MTERF4: variants seen among roughly 807,000 people sequenced by gnomAD.
The protein encoded by MTERF4 is mitochondrial transcription termination factor 4.
Under a neutral mutation model 22.5 loss-of-function variants are expected in MTERF4, and 17 were observed. The ratio of observed to expected loss-of-function variants is 0.75; its 90% CI spans 0.52 to 1.13. The LOEUF (loss-of-function observed/expected upper bound fraction) is 1.13, where lower values mean the gene tolerates loss of function less well. MTERF4 is among the 50% of genes most tolerant of loss of function. The probability of loss-of-function intolerance (pLI) is 0.00; values close to 1 mark genes in which losing one functional copy is unlikely to be tolerated. For missense variants in MTERF4, 420 were observed against 466.8 expected (o/e 0.90, Z 0.92); for synonymous variants, 165 against 175.3 (o/e 0.94, Z 0.47).
downstream of MTERF4, among the ~76,000 whole-genome samples, chr2:241,069,622 CA>C (rs2062611058): frequency 6.6e-6 from 1 of 152,170 alleles, no homozygotes; most frequent in South Asian, 2.1e-4. The surrounding 1 kb of genome is among the most constrained non-coding windows in gnomAD (Gnocchi z 4.9). Flanking sequence ...CAGCCAGGCT[CA>C]GGGGAACCGA....
the MTERF4 span, chr2:241,053,465 T>C: frequency 1.2e-6 from 1 of 853,114 alleles, no homozygotes; most frequent in Non-Finnish European, 1.8e-6. Context: ...CCCCTCAGTC[T>C]CCTGTCTGTG....
downstream of MTERF4, chr2:241,082,508 C>T: frequency 1.6e-6 from 1 of 625,136 alleles, no homozygotes; most frequent in Non-Finnish European, 2.9e-6. Flanking sequence ...CATCGATTCC[C>T]TCCATGTCAC....
intron 4 of MTERF4, among the ~76,000 whole-genome samples, chr2:241,078,264 T>C (rs2063135815): frequency 6.6e-6 from 1 of 151,218 alleles, no homozygotes. Context: ...GCGCCTGTAG[T>C]CCCAGCTCCT....
downstream of MTERF4, chr2:241,090,115 ACT>A (rs2063830497): frequency 3.4e-6 from 5 of 1,491,462 alleles, no homozygotes; most frequent in Non-Finnish European, 3.6e-6. Flanking sequence ...TTACTTTTTA[ACT>A]CTTTTTAATA....
the MTERF4 span, chr2:241,051,919 C>A: frequency 6.8e-7 from 1 of 1,477,830 alleles, no homozygotes; most frequent in Non-Finnish European, 9.2e-7. This position sits in a 1 kb window ranked among gnomAD's most constrained non-coding sequence, Gnocchi z 4.7. Flanking sequence ...TGAGCTGGGG[C>A]CCCTGATGCA....
chr2:241,096,698 A>G lies in MTERF4; in HGVS notation c.706-260T>C, dbSNP rs1425748516. The stretch of plus-strand genomic sequence containing the variant: ...GGCAGGAGGGAGAAGGGGCAGAAGG[A>G]AGAGGTGGTATTTTTCTTTAAATGG... On this transcript the variant is annotated intron_variant, in intron 3 of 3. Coordinates refer to ENST00000391980, the MANE Select transcript of MTERF4 (RefSeq NM_182501.4). This position sits in a 1 kb window ranked among gnomAD's most constrained non-coding sequence, Gnocchi z 5.1. The G allele has an allele frequency of 1.5e-5, 10 of 661,052 alleles. No individual in the cohort carries two copies. The highest frequency in any genetic ancestry group is 2.6e-5 in the Non-Finnish European group (9 of 351,230). The allele number at this position is 661,052 out of a possible 1,614,324, so 40.9% of individuals were successfully genotyped here.
chr2:241,078,252 G>A lies in MTERF4; in HGVS notation n.480-2570C>T, dbSNP rs533250995. 8.2e-4 allele frequency among the ~76,000 whole-genome samples: 125 copies of A among 151,586 alleles called. 2 individuals carry two copies. In the East Asian group the frequency reaches 0.015, roughly 18 times the overall value. ...ACAAAAATTAGCTGGGCGTGGTGGCGGGCGCCTGTAGTCCCAGCTCCTCAG... is the reference window on the plus strand; with the variant it reads ...ACAAAAATTAGCTGGGCGTGGTGGCAGGCGCCTGTAGTCCCAGCTCCTCAG... On this transcript the variant is annotated intron_variant and non_coding_transcript_variant, in intron 4 of 4. Transcript: ENST00000464344.
At chr2:241,094,391 C>G (rs866515718), downstream of MTERF4, 2 of 471,078 alleles carry the variant, frequency 4.2e-6, no homozygotes, top group Non-Finnish European at 8.8e-6. The surrounding 1 kb of genome is among the most constrained non-coding windows in gnomAD (Gnocchi z 4.3). Flanking sequence ...TTTTGCAAAA[C>G]AAAAGTCTTT....
downstream of MTERF4, chr2:241,069,846 GGTTCTCAAACCGT>G: frequency 6.5e-7 from 1 of 1,531,240 alleles, no homozygotes; most frequent in Non-Finnish European, 8.8e-7. This position sits in a 1 kb window ranked among gnomAD's most constrained non-coding sequence, Gnocchi z 4.9. Flanking sequence ...GCCCATGTCC[GGTTCTCAAACCGT>G]GTTCTTGCCA....
At chr2:241,055,182 G>A in the MTERF4 span, among the ~76,000 whole-genome samples, 6 of 151,932 alleles carry the variant, frequency 3.9e-5, no homozygotes, top group South Asian at 6.2e-4. Flanking sequence ...TGAGATAATC[G>A]GAGCCCAAGA....
chr2:241,076,757 G>A (rs929057788), intron 4 of MTERF4, among the ~76,000 whole-genome samples: 4 of 151,954 alleles, frequency 2.6e-5, no homozygotes, highest in Admixed American at 6.6e-5. Context: ...AGAGTCCAGG[G>A]CCGGGCGCGG....
downstream of MTERF4, chr2:241,082,136 C>A (rs2063357694): frequency 1.8e-5 from 12 of 662,874 alleles, no homozygotes; most frequent in Non-Finnish European, 3.2e-5. Flanking sequence ...GCTGCAGACC[C>A]CCGGGCCCTC....
chr2:241,048,646 CCT>C, the MTERF4 span: 1 of 1,597,014 alleles, frequency 6.3e-7, no homozygotes, highest in South Asian at 1.1e-5. Context: ...GAGGCTCCTC[CCT>C]CTCTTCGTGG....
the MTERF4 span, chr2:241,053,144 G>A: frequency 6.2e-7 from 1 of 1,606,998 alleles, no homozygotes; most frequent in African/African-American, 1.3e-5. Flanking sequence ...AGGCTGCCGT[G>A]CCTTGCAGAG....
chr2:241,078,651 G>A (rs1354703427), intron 4 of MTERF4, among the ~76,000 whole-genome samples: 1 of 151,778 alleles, frequency 6.6e-6, no homozygotes, highest in Non-Finnish European at 1.5e-5. Context: ...AGGGGATGGG[G>A]AAGGCAGTAA....
At chr2:241,060,988 T>C in the MTERF4 span, among the ~76,000 whole-genome samples, 1 of 152,074 alleles carries the variant, frequency 6.6e-6, no homozygotes, top group Non-Finnish European at 1.5e-5. Context: ...GGTAAATATA[T>C]TTTTGACTTT....
At chr2:241,062,716 A>C in the MTERF4 span, 1 of 944,224 alleles carries the variant, frequency 1.1e-6, no homozygotes, top group East Asian at 2.6e-5. Flanking sequence ...CTGGCCCCTC[A>C]GGACTAGTTT....
chr2:241,049,587 G>C, the MTERF4 span, among the ~76,000 whole-genome samples: 1 of 152,174 alleles, frequency 6.6e-6, no homozygotes, highest in Non-Finnish European at 1.5e-5. Flanking sequence ...GTCCTGCCTC[G>C]TAGAAGACGG....
chr2:241,077,658 A>G (rs1180883390), intron 4 of MTERF4, among the ~76,000 whole-genome samples: 2 of 152,192 alleles, frequency 1.3e-5, no homozygotes, highest in Non-Finnish European at 2.9e-5. Flanking sequence ...TAAACAATAA[A>G]AAGACAACCC....
Sources: allele counts gnomAD v4.1 joint callset (sites outside exome capture counted in the v4.1 genomes callset), GRCh38; gene constraint gnomAD v4.1.1; non-coding constraint Gnocchi (gnomAD v3.1); transcripts MANE v1.5; gene names NCBI Gene and HGNC (gene_info 2026-07-23, HGNC 2026-07-21).